The following TAFA1 variants were observed in gnomAD, a reference collection of about 807,000 sequenced individuals.
TAFA1 encodes TAFA chemokine like family member 1, also known as chemokine-like protein TAFA-1.
Under a neutral mutation model 18.5 loss-of-function variants are expected in TAFA1, and 4 were observed. The observed-to-expected ratio is 0.22, with a 90% CI of 0.11 to 0.49. TAFA1 has a LOEUF of 0.49. TAFA1 is among the 20% of genes least tolerant of loss of function. TAFA1 has a pLI of 0.98. For synonymous variants in TAFA1, 56 were observed against 55.2 expected (o/e 1.01, Z -0.06); for missense variants, 147 against 169.0 (o/e 0.87, Z 0.72).
Position 68,538,985 on chromosome 3 carries a change from T to C in TAFA1, c.384+105T>C, listed in dbSNP as rs1009704896. 20 of 1,181,922 alleles carry C rather than the reference T, an allele frequency of 1.7e-5. No homozygotes were observed. The Middle Eastern group carries it at 8.7e-4, about 51-fold the overall frequency. The allele number at this position is 1,181,922 out of a possible 1,614,324, so 73.2% of individuals were successfully genotyped here. On this transcript the variant is annotated intron_variant, in intron 4 of 4. Transcript: ENST00000478136. ...AGAAGCTTTGCACAGGAGAGAAGATTCTCCACTGACAGAAAGCATTCTGAA... is the reference window on the plus strand; with the variant it reads ...AGAAGCTTTGCACAGGAGAGAAGATCCTCCACTGACAGAAAGCATTCTGAA...
intron 2 of TAFA1, among the ~76,000 whole-genome samples, chr3:68,272,407 G>A (rs149415083): frequency 1.1e-3 from 169 of 152,268 alleles, no homozygotes; most frequent in Non-Finnish European, 1.8e-3. Flanking sequence ...ATGGGGTTAT[G>A]AGGATGAAAT....
intron 2 of TAFA1, among the ~76,000 whole-genome samples, chr3:68,045,564 G>T (rs1575589506): frequency 6.6e-6 from 1 of 152,288 alleles, no homozygotes; most frequent in South Asian, 2.1e-4. Context: ...TCTGTAGAAT[G>T]ATGAGATTCT....
At chr3:68,132,634 G>A (rs2065555635) in intron 2 of TAFA1, among the ~76,000 whole-genome samples, 3 of 152,158 alleles carry the variant, frequency 2.0e-5, no homozygotes, top group Admixed American at 2.0e-4. Flanking sequence ...CAGTGATGAT[G>A]AGCTTTTTTT....
intron 2 of TAFA1, among the ~76,000 whole-genome samples, chr3:68,394,467 T>C (rs1427940305): frequency 6.6e-6 from 1 of 152,114 alleles, no homozygotes. Context: ...AAATTTCATA[T>C]GGAACCAAAA....
chr3:68,234,132 G>C (rs2066901629), intron 2 of TAFA1, among the ~76,000 whole-genome samples: 1 of 152,252 alleles, frequency 6.6e-6, no homozygotes, highest in South Asian at 2.1e-4. Flanking sequence ...ATTTCTGTGG[G>C]TTATCAGCTG....
intron 3 of TAFA1, among the ~76,000 whole-genome samples, chr3:68,478,102 G>A (rs890761344): frequency 1.3e-5 from 2 of 152,212 alleles, no homozygotes; most frequent in Admixed American, 6.5e-5. Context: ...GGTCCTTGGA[G>A]GTATGGGCAG....
chr3:68,264,724 G>A (rs1277829512), intron 2 of TAFA1, among the ~76,000 whole-genome samples: 1 of 147,658 alleles, frequency 6.8e-6, no homozygotes, highest in South Asian at 2.1e-4. Flanking sequence ...TTTCTATAAA[G>A]AAATTTATAT....
At chr3:68,205,679 A>G (rs535906370) in intron 2 of TAFA1, among the ~76,000 whole-genome samples, 3 of 151,844 alleles carry the variant, frequency 2.0e-5, no homozygotes, top group Non-Finnish European at 2.9e-5. Flanking sequence ...ATTTCCATAG[A>G]AATAGACTAT....
At chr3:68,448,967 C>T (rs369245849) in intron 3 of TAFA1, among the ~76,000 whole-genome samples, 13 of 152,214 alleles carry the variant, frequency 8.5e-5, no homozygotes, top group East Asian at 1.9e-4. Flanking sequence ...ATTTGAGCTG[C>T]CTGTTACTCA....
intron 4 of TAFA1, among the ~76,000 whole-genome samples, chr3:68,541,586 TAA>T (rs201474420): frequency 1.4e-5 from 2 of 145,574 alleles, no homozygotes; most frequent in African/African-American, 5.0e-5. Context: ...ATCAAAGAGG[TAA>T]AAAAAAAAAC....
rs75062180 is a variant in TAFA1, at chr3:68,131,896, T to C, written c.118+125152T>C. On this transcript the variant is annotated intron_variant, in intron 2 of 4. Coordinates refer to ENST00000478136, the MANE Select transcript of TAFA1 (RefSeq NM_213609.4). ...CCTATTTTTTAACCTTTTTTTTTTA[T>C]TATTATGCTTTAAGTTCTGGGATAC... 2.7e-4 allele frequency among the ~76,000 whole-genome samples: 41 copies of C among 152,138 alleles called. No homozygotes were observed. In the East Asian group the frequency reaches 7.9e-3, roughly 29 times the overall value.
intron 3 of TAFA1, among the ~76,000 whole-genome samples, chr3:68,490,727 A>T (rs1431628570): frequency 1.3e-5 from 2 of 152,212 alleles, no homozygotes; most frequent in Non-Finnish European, 2.9e-5. Flanking sequence ...TTGTTAAATA[A>T]ATTTTAAAAT....
At chr3:68,261,755 G>A (rs556513731) in intron 2 of TAFA1, among the ~76,000 whole-genome samples, 14 of 152,080 alleles carry the variant, frequency 9.2e-5, no homozygotes, top group African/African-American at 9.6e-5. Context: ...ATCACACACC[G>A]GGAACTGTTG....
At chr3:68,413,751 G>A (rs1327778139) in intron 2 of TAFA1, among the ~76,000 whole-genome samples, 1 of 152,060 alleles carries the variant, frequency 6.6e-6, no homozygotes, top group Non-Finnish European at 1.5e-5. Flanking sequence ...TTGGGGGCAG[G>A]GGGGTGAGGG....
In TAFA1 at chr3:68,395,291, A is replaced by G. The variant is rs563006144; in HGVS notation, c.119-21989A>G. Among the ~76,000 whole-genome samples, 51 of 152,312 alleles carry G rather than the reference A, an allele frequency of 3.3e-4. 1 individual carries two copies. The highest frequency in any genetic ancestry group is 1.2e-3 in the African/African-American group (49 of 41,572). On this transcript the variant is annotated intron_variant, in intron 2 of 4. Coordinates refer to ENST00000478136, the MANE Select transcript of TAFA1 (RefSeq NM_213609.4). The stretch of plus-strand genomic sequence containing the variant: ...GCAATTATTAAAAAGTCAGGAAACA[A>G]CAGGTGCTGGAGAGGATGTGGAGAA...
intron 2 of TAFA1, among the ~76,000 whole-genome samples, chr3:68,377,542 C>T (rs1332019891): frequency 6.6e-6 from 1 of 152,194 alleles, no homozygotes; most frequent in African/African-American, 2.4e-5. Flanking sequence ...GGAAAATTTG[C>T]AGCCTGATGA....
At chr3:68,363,255 A>C (rs1018684147) in intron 2 of TAFA1, among the ~76,000 whole-genome samples, 1 of 152,142 alleles carries the variant, frequency 6.6e-6, no homozygotes, top group Non-Finnish European at 1.5e-5. Context: ...AGCTGGGCTC[A>C]GTGAATGAAT....
intron 2 of TAFA1, among the ~76,000 whole-genome samples, chr3:68,305,852 G>A (rs562283405): frequency 1.3e-5 from 2 of 152,184 alleles, no homozygotes; most frequent in African/African-American, 2.4e-5. Flanking sequence ...CACATTATTT[G>A]GTGACTCCAC....
intron 3 of TAFA1, among the ~76,000 whole-genome samples, chr3:68,461,655 T>C (rs1450074164): frequency 6.6e-6 from 1 of 151,436 alleles, no homozygotes; most frequent in East Asian, 2.0e-4. Flanking sequence ...TCAGTAAGAA[T>C]GAAACCCTGT....
Sources: allele counts gnomAD v4.1 joint callset (sites outside exome capture counted in the v4.1 genomes callset), GRCh38; gene constraint gnomAD v4.1.1; transcripts MANE v1.5; gene names NCBI Gene and HGNC (gene_info 2026-07-23, HGNC 2026-07-21).